NKAIN2: variants seen among roughly 807,000 people sequenced by gnomAD.
NKAIN2 encodes the protein sodium/potassium transporting ATPase interacting 2.
In NKAIN2, 14 loss-of-function variants were observed where a neutral mutation model predicts 32.6. The ratio of observed to expected loss-of-function variants is 0.43; its 90% CI spans 0.28 to 0.67. The LOEUF (loss-of-function observed/expected upper bound fraction) is 0.67, where lower values mean the gene tolerates loss of function less well. NKAIN2 is among the 30% of genes least tolerant of loss of function. The pLI, the probability that NKAIN2 is intolerant of heterozygous loss-of-function variation, is 0.17. For missense variants in NKAIN2, 198 were observed against 258.3 expected, an observed-to-expected ratio of 0.77 and a Z score of 1.60; for synonymous variants, 80 against 87.2, an observed-to-expected ratio of 0.92 and a Z score of 0.46.
At chr6:124,585,690 A>G (rs64815) in intron 3 of NKAIN2, among the ~76,000 whole-genome samples, 137,015 of 152,210 alleles carry the variant, frequency 0.9, 62,337 homozygotes, top group South Asian at 0.97. Flanking sequence ...AAAGATGTCC[A>G]AAATTATTAA....
chr6:124,033,746 G>A (rs1195016865), intron 1 of NKAIN2, among the ~76,000 whole-genome samples: 3 of 152,102 alleles, frequency 2.0e-5, no homozygotes, highest in Non-Finnish European at 4.4e-5. Context: ...AGGGAAACAG[G>A]AATAATGCAC....
At chr6:124,273,400 A>G (rs1250537517) in intron 1 of NKAIN2, among the ~76,000 whole-genome samples, 2 of 152,070 alleles carry the variant, frequency 1.3e-5, no homozygotes, top group Non-Finnish European at 2.9e-5. Flanking sequence ...CTTTCCCTTC[A>G]CTTTCTACCA....
At chr6:124,027,058 GA>G (rs978100251) in intron 1 of NKAIN2, among the ~76,000 whole-genome samples, 1 of 151,614 alleles carries the variant, frequency 6.6e-6, no homozygotes, top group African/African-American at 2.4e-5. Context: ...GACAACTCAT[GA>G]AGTGCCTACG....
chr6:124,224,276 A>G (rs1262756720), intron 1 of NKAIN2, among the ~76,000 whole-genome samples: 1 of 152,122 alleles, frequency 6.6e-6, no homozygotes, highest in Non-Finnish European at 1.5e-5. Flanking sequence ...TATTCCTTTG[A>G]AGTGTGACTA....
At chr6:123,920,389 T>A (rs1379265802) in intron 1 of NKAIN2, among the ~76,000 whole-genome samples, 4 of 152,162 alleles carry the variant, frequency 2.6e-5, no homozygotes, top group African/African-American at 7.2e-5. Context: ...ATACTTAGAT[T>A]TAGTGCTACT....
chr6:124,061,586 A>G (rs750976486), intron 1 of NKAIN2, among the ~76,000 whole-genome samples: 1 of 152,094 alleles, frequency 6.6e-6, no homozygotes, highest in Admixed American at 6.6e-5. Context: ...AGAACTGTTC[A>G]AATATTCCTT....
At chr6:124,514,702 A>C (rs1200666652) in intron 3 of NKAIN2, among the ~76,000 whole-genome samples, 1 of 151,860 alleles carries the variant, frequency 6.6e-6, no homozygotes, top group Admixed American at 6.6e-5. Context: ...TCAGTAGTTC[A>C]GTAAATATGG....
At chr6:124,106,493 A>C (rs1161986697) in intron 1 of NKAIN2, among the ~76,000 whole-genome samples, 1 of 152,204 alleles carries the variant, frequency 6.6e-6, no homozygotes, top group Non-Finnish European at 1.5e-5. Context: ...AGCAATCGAT[A>C]AATGCTTTGA....
chr6:123,960,194 G>A (rs563735357), intron 1 of NKAIN2, among the ~76,000 whole-genome samples: 1 of 152,162 alleles, frequency 6.6e-6, no homozygotes, highest in Admixed American at 6.5e-5. Context: ...CCAACACTGT[G>A]CAGCATACTG....
chr6:123,873,804 A>C (rs1027807129), intron 1 of NKAIN2, among the ~76,000 whole-genome samples: 3 of 152,194 alleles, frequency 2.0e-5, no homozygotes, highest in Non-Finnish European at 2.9e-5. Context: ...ATAATTATCA[A>C]GTACAATTGA....
chr6:123,910,051 A>G (rs979722058), intron 1 of NKAIN2, among the ~76,000 whole-genome samples: 2 of 152,196 alleles, frequency 1.3e-5, no homozygotes, highest in African/African-American at 4.8e-5. Context: ...GAGATTTAGA[A>G]TACATGGTTT....
At chr6:124,800,195 G>A (rs754230546) in intron 5 of NKAIN2, among the ~76,000 whole-genome samples, 14 of 152,106 alleles carry the variant, frequency 9.2e-5, no homozygotes, top group Non-Finnish European at 1.3e-4. Context: ...CCTTATGCCC[G>A]GTTCTGCTTT....
chr6:124,607,210 C>A (rs1782534238), intron 3 of NKAIN2, among the ~76,000 whole-genome samples: 1 of 151,988 alleles, frequency 6.6e-6, no homozygotes, highest in Admixed American at 6.6e-5. Context: ...ATTTTAAATA[C>A]TAATAAAGTG....
At chr6:123,976,248 CATAT>C (rs145822155) in intron 1 of NKAIN2, among the ~76,000 whole-genome samples, 1,260 of 101,028 alleles carry the variant, frequency 0.012, 170 homozygotes, top group African/African-American at 0.029. Context: ...ATAGCAAGAA[CATAT>C]ATATATATAT....
intron 2 of NKAIN2, among the ~76,000 whole-genome samples, chr6:124,304,428 A>G (rs1796425588): frequency 6.6e-6 from 1 of 152,216 alleles, no homozygotes; most frequent in Non-Finnish European, 1.5e-5. Flanking sequence ...GAAGAAAAGC[A>G]TACATATAGA....
chr6:124,375,983 G>A (rs971686680), intron 3 of NKAIN2, among the ~76,000 whole-genome samples: 2 of 152,096 alleles, frequency 1.3e-5, no homozygotes, highest in African/African-American at 4.8e-5. Context: ...TTACATTGGA[G>A]TATGAATAGA....
At chr6:124,553,076 C>A (rs2114871903) in intron 3 of NKAIN2, among the ~76,000 whole-genome samples, 1 of 152,218 alleles carries the variant, frequency 6.6e-6, no homozygotes, top group African/African-American at 2.4e-5. Flanking sequence ...AATTCTTAGT[C>A]CTTCTTTTGT....
chr6:124,727,533 G>A (rs1347842438), intron 4 of NKAIN2, among the ~76,000 whole-genome samples: 2 of 151,554 alleles, frequency 1.3e-5, no homozygotes, highest in Non-Finnish European at 2.9e-5. Flanking sequence ...CACCAGGCCT[G>A]CCCTAAAAGA....
At chr6:124,418,123 CA>C (rs200707930) in intron 3 of NKAIN2, among the ~76,000 whole-genome samples, 1 of 151,086 alleles carries the variant, frequency 6.6e-6, no homozygotes, top group Non-Finnish European at 1.5e-5. Flanking sequence ...CATTCCTGGC[CA>C]AAAAAAATGT....
Sources: allele counts gnomAD v4.1 joint callset (sites outside exome capture counted in the v4.1 genomes callset), GRCh38; gene constraint gnomAD v4.1.1; transcripts MANE v1.5; gene names NCBI Gene and HGNC (gene_info 2026-07-23, HGNC 2026-07-21).